Variants in MCM8 observed in about 807,000 individuals in gnomAD.
The protein encoded by MCM8 is DNA helicase MCM8.
MCM8 carries 85 observed loss-of-function variants against 98.9 expected under a neutral mutation model. The ratio of observed to expected loss-of-function variants is 0.86; its 90% CI spans 0.72 to 1.03. MCM8 has a LOEUF of 1.03. MCM8 is among the 50% of genes least tolerant of loss of function. The pLI is 0.00. For missense variants in MCM8, 951 were observed against 997.8 expected (o/e 0.95, Z 0.63); for synonymous variants, 352 against 338.6 (o/e 1.04, Z -0.44).
At chr20:5,967,353 A>G in intron 8 of MCM8, 83 bp from the exon 9 acceptor site, 2 of 1,229,936 alleles carry the variant, frequency 1.6e-6, no homozygotes, top group Non-Finnish European at 2.3e-6. Context: ...CTTCCTCAGC[A>G]TCATGTGAAC....
At chr20:5,976,276 T>C (rs1399054385) in intron 12 of MCM8, among the ~76,000 whole-genome samples, 1 of 152,076 alleles carries the variant, frequency 6.6e-6, no homozygotes, top group East Asian at 1.9e-4. Context: ...GAAAATTAAT[T>C]AGCCAGTCAT....
rs11422423 is a variant in MCM8 at position 5,994,734 on chromosome 20, TAAAAAAA to T, written c.*355_*361del. On this transcript the variant is annotated 3_prime_UTR_variant, in exon 19 of 19. Coordinates refer to ENST00000610722, the MANE Select transcript of MCM8 (RefSeq NM_032485.6). The stretch of plus-strand genomic sequence containing the variant: ...GGCAACATAGCAAGACCCCATTTCT[TAAAAAAA>T]AAAAAAAAAAATTTAAACTTAGCTG... 24 of 409,200 alleles carry T rather than the reference TAAAAAAA, an allele frequency of 5.9e-5. No homozygotes were observed. The highest frequency in any genetic ancestry group is 8.2e-5 in the Non-Finnish European group (17 of 208,102). 25.3% of individuals were successfully genotyped at this position (409,200 alleles called of 1,614,324 possible).
intron 12 of MCM8, among the ~76,000 whole-genome samples, chr20:5,976,926 T>G (rs184954298): frequency 1.1e-4 from 16 of 152,312 alleles, no homozygotes; most frequent in South Asian, 2.1e-4. Context: ...CACTCCAGCC[T>G]GGACGACAGA....
At chr20:5,967,129 ATACTT>A (rs1264325385) in intron 8 of MCM8, among the ~76,000 whole-genome samples, 3 of 152,166 alleles carry the variant, frequency 2.0e-5, no homozygotes, top group Admixed American at 2.0e-4. Context: ...TTATCCATCA[ATACTT>A]TACCATTTGC....
At chr20:5,956,545 T>C (rs113469105) in intron 5 of MCM8, among the ~76,000 whole-genome samples, 3,671 of 152,184 alleles carry the variant, frequency 0.024, 130 homozygotes, top group African/African-American at 0.077. Context: ...AGGCATGCAC[T>C]GCCACACTTG....
In MCM8 at chr20:5,978,010, T is replaced by C; in HGVS notation, c.1530T>C (p.Gly510=). 1.2e-6 allele frequency: 2 copies of C among 1,614,236 alleles called. No homozygotes were observed. Among genetic ancestry groups the C allele is most frequent in the Non-Finnish European group, 8.5e-7 (1 of 1,180,032 alleles). ...TGGAAGCTGGTGCCCTGGTACTTGG[T>C]GATCAAGGTGAGAGGCCAAAGGGAA... The part of the protein sequence containing the change: ...FALEAGALVL[G]DQGICGIDEF... The change falls in exon 13 of 19, where the codon GGT becomes GGC. Residue 510 remains glycine, a synonymous_variant. Coordinates refer to ENST00000610722, the MANE Select transcript of MCM8 (RefSeq NM_032485.6).
intron 11 of MCM8, 57 bp from the exon 12 acceptor site, chr20:5,972,999 A>G: frequency 6.3e-7 from 1 of 1,580,090 alleles, no homozygotes; most frequent in Non-Finnish European, 8.7e-7. Context: ...TACCCCCTTT[A>G]CTAGTCACCT....
At chr20:5,955,353 A>C (rs935953566) in intron 5 of MCM8, 102 bp downstream of exon 5, 53 of 1,128,374 alleles carry the variant, frequency 4.7e-5, no homozygotes, top group Non-Finnish European at 6.1e-5. Flanking sequence ...CAGTGACTGT[A>C]CTTTCTATAA....
chr20:5,993,737 G>C, intron 18 of MCM8, 42 bp downstream of exon 18: 1 of 1,462,664 alleles, frequency 6.8e-7, no homozygotes, highest in Non-Finnish European at 9.3e-7. Flanking sequence ...AATTTCAGGA[G>C]GTCCTTGTTA....
intron 5 of MCM8, among the ~76,000 whole-genome samples, chr20:5,956,417 T>C (rs764694661): frequency 1.3e-5 from 2 of 152,166 alleles, no homozygotes; most frequent in Non-Finnish European, 2.9e-5. Flanking sequence ...AAATGTTTGT[T>C]TGTTGTTTAT....
chr20:5,985,928 C>G lies in MCM8; in HGVS notation c.1960C>G (p.Pro654Ala). 1.2e-6 allele frequency: 2 copies of G among 1,614,080 alleles called. No individual in the cohort carries two copies. Among genetic ancestry groups the G allele is most frequent in the Non-Finnish European group, 1.7e-6 (2 of 1,179,916 alleles). Residue 654 changes from proline to alanine, a missense_variant, in exon 16 of 19, where the codon CCT becomes GCT. By Grantham distance (27) the Pro-to-Ala change is conservative. Coordinates refer to ENST00000610722, the MANE Select transcript of MCM8 (RefSeq NM_032485.6). ...KPLSERLKVV[P>A]GETIDPIPHQ... ...CCTTTTAATCATGCTTCAGGTGGTT[C>G]CTGGAGAAACAATAGATCCCATTCC...
At chr20:5,953,438 G>T (rs1003101725) in intron 3 of MCM8, among the ~76,000 whole-genome samples, 3 of 146,192 alleles carry the variant, frequency 2.1e-5, no homozygotes, top group African/African-American at 7.6e-5. Flanking sequence ...TCTCATGAGG[G>T]GTGTGTGTGT....
chr20:5,951,854 A>G (rs753090771), intron 1 of MCM8, among the ~76,000 whole-genome samples, 157 bp from the exon 2 acceptor site: 2 of 152,210 alleles, frequency 1.3e-5, no homozygotes, highest in Non-Finnish European at 2.9e-5. Flanking sequence ...TAACTGCAGA[A>G]TATTTGGGTC....
chr20:5,977,175 A>G (rs576862527), intron 12 of MCM8, among the ~76,000 whole-genome samples: 1 of 152,366 alleles, frequency 6.6e-6, no homozygotes, highest in African/African-American at 2.4e-5. Context: ...AGATGTGAAT[A>G]CTGTCCCCTA....
chr20:5,963,646 G>A (rs2089207162), intron 8 of MCM8, among the ~76,000 whole-genome samples: 1 of 149,898 alleles, frequency 6.7e-6, no homozygotes, highest in African/African-American at 2.5e-5. Context: ...TCCTGCCTCA[G>A]CCTCCTGAGT....
Position 5,957,247 on chromosome 20 carries a change from TTA to T in MCM8, c.590+19_590+20del, listed in dbSNP as rs2089010354. ...CATGCAAGGTGAGGAATTTGATGTA[TTA>T]AAGTATTACTTAGAATGGGACATTG... On this transcript the variant is annotated intron_variant, in intron 6 of 18. Coordinates refer to ENST00000610722, the MANE Select transcript of MCM8 (RefSeq NM_032485.6). 9 of 1,583,494 alleles carry T rather than the reference TTA, an allele frequency of 5.7e-6. No individual in the cohort carries two copies. Among genetic ancestry groups the T allele is most frequent in the Non-Finnish European group, 7.8e-6 (9 of 1,154,436 alleles).
At position 5,985,944 on chromosome 20, in the gene MCM8, A is replaced by T. The variant is rs761519033; in HGVS notation, c.1976A>T (p.Asp659Val). The T allele has an allele frequency of 1.2e-6, 2 of 1,614,162 alleles. No individual in the cohort carries two copies. The highest frequency in any genetic ancestry group is 1.1e-5 in the South Asian group (1 of 91,088). Residue 659 changes from aspartate to valine, a missense_variant, in exon 16 of 19, where the codon GAT becomes GTT. Transcript: ENST00000610722. ...RLKVVPGETI[D>V]PIPHQLLRKY... is the part of the protein sequence containing the mutation. ...CAGGTGGTTCCTGGAGAAACAATAG[A>T]TCCCATTCCCCACCAGCTATTGAGA...
chr20:5,972,680 G>T (rs1290748799), intron 11 of MCM8: 1 of 1,101,954 alleles, frequency 9.1e-7, no homozygotes, highest in East Asian at 5.7e-5. Context: ...TCAGCCTGCC[G>T]AGTAGCTGGG....
In MCM8 at chr20:5,958,871, C is replaced by A. The variant is rs537000775; in HGVS notation, c.789+145C>A. On this transcript the variant is annotated intron_variant, in intron 7 of 18. Transcript: ENST00000610722. ...TCTGCTTTTATATTATGAAATACTT[C>A]AGGGTAAGAAAAATACAGAAATAAA... 24 of 755,072 alleles carry A rather than the reference C, an allele frequency of 3.2e-5. No individual in the cohort carries two copies. In the African/African-American group the frequency reaches 4.1e-4, roughly 13 times the overall value. The allele number at this position is 755,072 out of a possible 1,614,324, so 46.8% of individuals were successfully genotyped here.
Sources: allele counts gnomAD v4.1 joint callset (sites outside exome capture counted in the v4.1 genomes callset), GRCh38; gene constraint gnomAD v4.1.1; transcripts MANE v1.5; gene names NCBI Gene and HGNC (gene_info 2026-07-23, HGNC 2026-07-21).